Variants in TRAPPC9 observed in about 807,000 individuals in gnomAD.
The protein encoded by TRAPPC9 is IKK2 binding protein.
Under a neutral mutation model 124.0 loss-of-function variants are expected in TRAPPC9, and 83 were observed. That is an observed-to-expected ratio of 0.67 (90% CI 0.56 to 0.80). TRAPPC9 has a LOEUF of 0.80. TRAPPC9 is among the 30% of genes least tolerant of loss of function. The probability of loss-of-function intolerance (pLI) is 0.00; values close to 1 mark genes in which losing one functional copy is unlikely to be tolerated. For synonymous variants in TRAPPC9, 638 were observed against 617.5 expected (o/e 1.03, Z -0.49); for missense variants, 1,302 against 1,508.3 (o/e 0.86, Z 2.27).
rs145937106 is a variant in TRAPPC9 at position 139,824,999 on chromosome 8, G to A, written c.3055+60880C>T. Among the ~76,000 whole-genome samples, 13 of 152,286 alleles carry A rather than the reference G, an allele frequency of 8.5e-5. No individual in the cohort carries two copies. The East Asian group carries it at 2.1e-3, about 25-fold the overall frequency. On this transcript the variant is annotated intron_variant, in intron 21 of 22. Transcript: ENST00000438773. Reference sequence around the variant, plus strand: ...GTGAGTCCCCTGCAGGGAGGTGGACGTGACCAGGGAAGCCCTTCTTCCCCC... The same window carrying A: ...GTGAGTCCCCTGCAGGGAGGTGGACATGACCAGGGAAGCCCTTCTTCCCCC...
chr8:139,947,907 T>TATATATATATAGAGAGAGAGAGAGAG, intron 19 of TRAPPC9, among the ~76,000 whole-genome samples: 58 of 60,308 alleles, frequency 9.6e-4, no homozygotes, highest in East Asian at 2.6e-3. Flanking sequence ...TATATATATA[T>TATATATATATAGAGAGAGAGAGAGAG]AGAGAGAGAG....
At chr8:140,077,371 T>C (rs1451046250) in intron 17 of TRAPPC9, among the ~76,000 whole-genome samples, 1 of 152,120 alleles carries the variant, frequency 6.6e-6, no homozygotes, top group African/African-American at 2.4e-5. Context: ...TTAGGGAACA[T>C]GTAGCTTAGT....
At chr8:139,755,091 C>T (rs1315704449) in intron 21 of TRAPPC9, among the ~76,000 whole-genome samples, 2 of 152,230 alleles carry the variant, frequency 1.3e-5, no homozygotes, top group Non-Finnish European at 2.9e-5. Flanking sequence ...CCTGAGAGGT[C>T]GTTGTAATTG....
chr8:140,254,161 G>A (rs756945343), intron 15 of TRAPPC9, among the ~76,000 whole-genome samples: 21 of 152,156 alleles, frequency 1.4e-4, no homozygotes, highest in Non-Finnish European at 3.1e-4. Flanking sequence ...GGCCCCAAAC[G>A]GCCTCACCAC....
intron 21 of TRAPPC9, among the ~76,000 whole-genome samples, chr8:139,823,150 T>C (rs927016173): frequency 6.6e-6 from 1 of 151,928 alleles, no homozygotes; most frequent in Non-Finnish European, 1.5e-5. Flanking sequence ...CTGCAACACA[T>C]AATTTTGGGG....
rs1554603743 is a variant in TRAPPC9, at chr8:139,997,829, C to T, written c.2700-8993G>A. 9.4e-4 allele frequency among the ~76,000 whole-genome samples: 92 copies of T among 97,538 alleles called. 1 individual carries two copies. The highest frequency in any genetic ancestry group is 2.7e-3 in the African/African-American group (77 of 28,234). 64.0% of individuals were successfully genotyped at this position (97,538 alleles called of 152,430 possible). On this transcript the variant is annotated intron_variant, in intron 18 of 22. Coordinates refer to ENST00000438773, the MANE Select transcript of TRAPPC9 (RefSeq NM_001160372.4). ...TCCTACACAGGGAGACAATGCATCC[C>T]ACACAGGGAGACAATGCATCCCACA... is the stretch of plus-strand genomic sequence containing the variant.
intron 14 of TRAPPC9, among the ~76,000 whole-genome samples, chr8:140,281,909 T>C (rs2065333608): frequency 6.6e-6 from 1 of 152,108 alleles, no homozygotes; most frequent in Non-Finnish European, 1.5e-5. Context: ...CTGGAAGAAC[T>C]CTTCCCTGAG....
chr8:140,455,067 C>G (rs1273884735), intron 1 of TRAPPC9, among the ~76,000 whole-genome samples: 2 of 152,048 alleles, frequency 1.3e-5, no homozygotes, highest in Non-Finnish European at 2.9e-5. Context: ...ACTATAAAAC[C>G]AGCAATCCAA....
intron 19 of TRAPPC9, among the ~76,000 whole-genome samples, chr8:139,925,792 T>C (rs1209462792): frequency 4.3e-5 from 6 of 138,498 alleles, no homozygotes; most frequent in Non-Finnish European, 3.1e-5. Flanking sequence ...GAACTGGGGT[T>C]TGACTACCCA....
rs1441354075 is a variant in TRAPPC9 at position 140,349,403 on chromosome 8, C to T, written c.1495+10647G>A. ...GCACACAGCGGGGCCGATGGGGGCG[C>T]GCGAGGGAAGGGCACACAGCGGGGC... On this transcript the variant is annotated intron_variant, in intron 9 of 22. Coordinates refer to ENST00000438773, the MANE Select transcript of TRAPPC9 (RefSeq NM_001160372.4). Among the ~76,000 whole-genome samples the T allele has an allele frequency of 1.9e-4, 22 of 118,346 alleles. No homozygotes were observed. In the South Asian group the frequency reaches 6.5e-3, roughly 35 times the overall value. The allele number at this position is 118,346 out of a possible 152,430, so 77.6% of individuals were successfully genotyped here.
chr8:140,125,587 CTTTTTTTTTTTTT>C (rs11292333), intron 17 of TRAPPC9, among the ~76,000 whole-genome samples: 3 of 67,814 alleles, frequency 4.4e-5, no homozygotes, highest in African/African-American at 1.8e-4. Flanking sequence ...GAATCTCATT[CTTTTTTTTTTTTT>C]TTTTTTTTTT....
chr8:140,129,104 T>C (rs917421162), intron 17 of TRAPPC9, among the ~76,000 whole-genome samples: 1 of 151,924 alleles, frequency 6.6e-6, no homozygotes, highest in Admixed American at 6.6e-5. Flanking sequence ...AGTCCTTCTT[T>C]CTAAGCGTCC....
At position 139,776,509 on chromosome 8, in the gene TRAPPC9, G is replaced by C. The variant is rs1409056544; in HGVS notation, c.3056-44307C>G. Among the ~76,000 whole-genome samples, 1 of 152,204 alleles carries C rather than the reference G, an allele frequency of 6.6e-6. No individual in the cohort carries two copies. The highest frequency in any genetic ancestry group is 2.4e-5 in the African/African-American group (1 of 41,462). The stretch of plus-strand genomic sequence containing the variant: ...ATGCATCTCAACCCATTCGGCAAAC[G>C]GGAGCTTCATCGCAATAGCGACTGC... On this transcript the variant is annotated intron_variant, in intron 21 of 22. Coordinates refer to ENST00000438773, the MANE Select transcript of TRAPPC9 (RefSeq NM_001160372.4). The surrounding 1 kb of genome is among the most constrained non-coding windows in gnomAD (Gnocchi z 4.1).
chr8:140,178,746 A>C (rs1202382540), intron 17 of TRAPPC9, among the ~76,000 whole-genome samples: 1 of 152,120 alleles, frequency 6.6e-6, no homozygotes, highest in Non-Finnish European at 1.5e-5. Context: ...TTCTGTGACT[A>C]ATATTTTATT....
chr8:139,937,903 C>A (rs1279686292), intron 19 of TRAPPC9, among the ~76,000 whole-genome samples: 1 of 152,132 alleles, frequency 6.6e-6, no homozygotes, highest in South Asian at 2.1e-4. Flanking sequence ...TGGCTCAGGA[C>A]GCCGACAGGT....
At chr8:139,909,563 GAACA>G (rs1349656040) in intron 20 of TRAPPC9, among the ~76,000 whole-genome samples, 1 of 152,224 alleles carries the variant, frequency 6.6e-6, no homozygotes, top group Non-Finnish European at 1.5e-5. Flanking sequence ...AAAGATTGCT[GAACA>G]AACAAATGAG....
At chr8:140,157,475 C>T (rs562082992) in intron 17 of TRAPPC9, among the ~76,000 whole-genome samples, 2 of 152,258 alleles carry the variant, frequency 1.3e-5, no homozygotes, top group South Asian at 2.1e-4. Context: ...CAACGAATGA[C>T]GAAATGAGTG....
intron 21 of TRAPPC9, among the ~76,000 whole-genome samples, chr8:139,783,760 T>C (rs1821993152): frequency 6.6e-6 from 1 of 152,236 alleles, no homozygotes; most frequent in Non-Finnish European, 1.5e-5. Context: ...TTTTTTAGGA[T>C]ACTGAATCCA....
chr8:140,223,357 G>A (rs1219660372), intron 16 of TRAPPC9, among the ~76,000 whole-genome samples: 4 of 152,198 alleles, frequency 2.6e-5, no homozygotes, highest in Non-Finnish European at 5.9e-5. Flanking sequence ...CCTGCTCGCA[G>A]TCATACTGGC....
Sources: allele counts gnomAD v4.1 joint callset (sites outside exome capture counted in the v4.1 genomes callset), GRCh38; gene constraint gnomAD v4.1.1; non-coding constraint Gnocchi (gnomAD v3.1); transcripts MANE v1.5; gene names NCBI Gene and HGNC (gene_info 2026-07-23, HGNC 2026-07-21).